Variants in OR1F1 observed in about 807,000 individuals in gnomAD.
OR1F1 encodes the protein olfactory receptor family 1 subfamily F member 1.
For synonymous variants in OR1F1, 184 were observed against 156.7 expected, an observed-to-expected ratio of 1.17 and a Z score of -1.30; for missense variants, 493 against 376.3, an observed-to-expected ratio of 1.31 and a Z score of -2.57.
chr16:3,206,290 T>C (rs985969742), downstream of OR1F1, among the ~76,000 whole-genome samples: 1 of 152,204 alleles, frequency 6.6e-6, no homozygotes, highest in African/African-American at 2.4e-5. Flanking sequence ...TTGTTTAAGA[T>C]GTTTATCAAG....
the OR1F1 span, among the ~76,000 whole-genome samples, chr16:3,191,776 C>A: frequency 7.5e-6 from 1 of 132,552 alleles, no homozygotes; most frequent in Non-Finnish European, 1.6e-5. Flanking sequence ...GGCAGAGGGG[C>A]GGGGGCGGGT....
chr16:3,197,047 A>AT, the OR1F1 span, among the ~76,000 whole-genome samples: 2 of 151,068 alleles, frequency 1.3e-5, no homozygotes, highest in Admixed American at 6.6e-5. Context: ...TAATTTTTGT[A>AT]TTTTTTTCAG....
At chr16:3,193,470 C>T in the OR1F1 span, among the ~76,000 whole-genome samples, 11 of 152,220 alleles carry the variant, frequency 7.2e-5, no homozygotes, top group Non-Finnish European at 2.9e-5. Context: ...GGAAACCACG[C>T]GGGAGAGGAT....
At chr16:3,205,261 C>T (rs1467889164), downstream of OR1F1, 4 of 1,022,440 alleles carry the variant, frequency 3.9e-6, no homozygotes, top group Non-Finnish European at 5.8e-6. Flanking sequence ...GTAGTTGTTT[C>T]ATTAAATGAT....
chr16:3,195,872 A>C, the OR1F1 span, among the ~76,000 whole-genome samples: 75,208 of 151,926 alleles, frequency 0.5, 19,523 homozygotes, highest in African/African-American at 0.65. Flanking sequence ...ATCTGGGCAC[A>C]CCTTGGGACT....
At chr16:3,201,435 C>G (rs1958134125), upstream of OR1F1, among the ~76,000 whole-genome samples, 1 of 152,192 alleles carries the variant, frequency 6.6e-6, no homozygotes, top group African/African-American at 2.4e-5. Context: ...ACCTTCTCAC[C>G]AGCAATGTAG....
At chr16:3,205,189 A>G (rs1282077624), downstream of OR1F1, 2 of 1,597,382 alleles carry the variant, frequency 1.3e-6, no homozygotes, top group South Asian at 1.1e-5. Context: ...TGTCTGATGA[A>G]ATAATCAAGA....
the OR1F1 span, among the ~76,000 whole-genome samples, chr16:3,196,758 A>G: frequency 1.3e-5 from 2 of 149,782 alleles, no homozygotes; most frequent in African/African-American, 2.5e-5. Context: ...CTGGAGTGCA[A>G]TGGCGTCCTG....
chr16:3,201,410 C>T (rs1567205805), upstream of OR1F1, among the ~76,000 whole-genome samples: 2 of 152,216 alleles, frequency 1.3e-5, no homozygotes, highest in South Asian at 4.1e-4. Flanking sequence ...TTTTCCCCAG[C>T]AGCTGCATCA....
exon 1 of OR1F1, chr16:3,204,342 C>T (rs758484506): frequency 6.2e-7 from 1 of 1,614,130 alleles, no homozygotes; most frequent in Non-Finnish European, 8.5e-7. Flanking sequence ...TGTTCTTCCT[C>T]AGCATGTACC....
chr16:3,204,970 G>A, exon 1 of OR1F1: 1 of 1,614,124 alleles, frequency 6.2e-7, no homozygotes, highest in Non-Finnish European at 8.5e-7. Context: ...CTCCACCTGT[G>A]GTTCTCACCT....
chr16:3,189,047 C>G, the OR1F1 span, among the ~76,000 whole-genome samples: 6 of 152,190 alleles, frequency 3.9e-5, no homozygotes, highest in Non-Finnish European at 8.8e-5. Context: ...AAAAGAGACT[C>G]TCAGCGTCAG....
upstream of OR1F1, among the ~76,000 whole-genome samples, chr16:3,202,019 G>A (rs1958140333): frequency 6.6e-6 from 1 of 152,234 alleles, no homozygotes; most frequent in Admixed American, 6.5e-5. Flanking sequence ...CTGTAACACT[G>A]CCTGCTGCTT....
chr16:3,203,521 C>T (rs926596872), upstream of OR1F1, among the ~76,000 whole-genome samples: 38 of 152,140 alleles, frequency 2.5e-4, no homozygotes, highest in Non-Finnish European at 4.7e-4. Flanking sequence ...ATCCCAGCAC[C>T]TTGGGAGGCC....
the OR1F1 span, among the ~76,000 whole-genome samples, chr16:3,195,963 G>C: frequency 4.6e-5 from 7 of 152,168 alleles, no homozygotes; most frequent in African/African-American, 1.7e-4. Context: ...CCCTGCCTGG[G>C]GCTTCCAGGA....
At chr16:3,202,332 A>G (rs538918367), upstream of OR1F1, among the ~76,000 whole-genome samples, 4 of 152,280 alleles carry the variant, frequency 2.6e-5, no homozygotes, top group South Asian at 4.1e-4. Context: ...TCTTGATGTT[A>G]TCATTCAGCT....
exon 1 of OR1F1, chr16:3,204,389 C>T (rs1218504462): frequency 1.2e-6 from 2 of 1,613,958 alleles, no homozygotes; most frequent in Admixed American, 3.3e-5. Context: ...ATCATCCTGT[C>T]CGTAAGCATA....
At chr16:3,198,364 C>G in the OR1F1 span, among the ~76,000 whole-genome samples, 1 of 151,994 alleles carries the variant, frequency 6.6e-6, no homozygotes, top group Non-Finnish European at 1.5e-5. Context: ...GCTGGTGTGC[C>G]ATCTGGCTGA....
the OR1F1 span, chr16:3,188,375 CAGG>C: frequency 6.6e-6 from 1 of 152,284 alleles, no homozygotes; most frequent in Non-Finnish European, 1.5e-5. Flanking sequence ...CCCCGTGCAG[CAGG>C]AGGAGGTTAT....
Sources: allele counts gnomAD v4.1 joint callset (sites outside exome capture counted in the v4.1 genomes callset), GRCh38; gene constraint gnomAD v4.1.1; transcripts MANE v1.5; gene names NCBI Gene and HGNC (gene_info 2026-07-23, HGNC 2026-07-21).